The following IFT140 variants were observed in gnomAD, a reference collection of about 807,000 sequenced individuals.
IFT140 encodes intraflagellar transport 140.
In IFT140, 133 loss-of-function variants were observed where a neutral mutation model predicts 164.6. That is an observed-to-expected ratio of 0.81 (90% CI 0.70 to 0.93). The LOEUF (loss-of-function observed/expected upper bound fraction) is 0.93. Among genes scored for constraint, IFT140 ranks in the 40% least tolerant of loss-of-function variants. IFT140 has a pLI of 0.00. For synonymous variants in IFT140, 860 were observed against 817.3 expected (o/e 1.05, Z -0.89); for missense variants, 2,045 against 1,972.3 (o/e 1.04, Z -0.70).
At chr16:1,591,172 C>A (rs1023437532) in intron 6 of IFT140, among the ~76,000 whole-genome samples, 1 of 152,204 alleles carries the variant, frequency 6.6e-6, no homozygotes, top group East Asian at 1.9e-4. Context: ...CAGAGCCAGG[C>A]TCCTCCCTGG....
chr16:1,593,558 C>T (rs1327374103), intron 4 of IFT140, among the ~76,000 whole-genome samples: 1 of 152,144 alleles, frequency 6.6e-6, no homozygotes, highest in Non-Finnish European at 1.5e-5. Flanking sequence ...CGCCGTGTCT[C>T]CTCAGGCTCC....
Position 1,569,255 on chromosome 16 carries a change from G to A in IFT140, c.1653-921C>T, listed in dbSNP as rs369308526. ...ATCTCCTTGACCTCGTGATCCGCCC[G>A]CCTCAGCCTCCCAAAGTGTTGGGAT... On this transcript the variant is annotated intron_variant, in intron 14 of 30. Coordinates refer to ENST00000426508, the MANE Select transcript of IFT140 (RefSeq NM_014714.4). Among the ~76,000 whole-genome samples the A allele has an allele frequency of 2.8e-3, 427 of 152,160 alleles. 15 individuals carry two copies. In the South Asian group the frequency reaches 0.085, roughly 30 times the overall value.
At chr16:1,525,471 G>A (rs1424156740) in intron 21 of IFT140, 145 bp from the exon 22 acceptor site, 2 of 682,272 alleles carry the variant, frequency 2.9e-6, no homozygotes, top group Admixed American at 2.2e-5. Context: ...TGCAGACCCT[G>A]AGCACACGTG....
intron 13 of IFT140, among the ~76,000 whole-genome samples, chr16:1,576,223 T>C (rs1285441063): frequency 6.8e-6 from 1 of 146,866 alleles, no homozygotes; most frequent in Non-Finnish European, 1.5e-5. Context: ...GAGGTGGAGG[T>C]TGCAGTGAGC....
chr16:1,594,197 C>T (rs1003651140), intron 4 of IFT140, among the ~76,000 whole-genome samples: 3 of 151,854 alleles, frequency 2.0e-5, no homozygotes, highest in African/African-American at 7.3e-5. Flanking sequence ...CTAAGATTAC[C>T]TAGGTTCATT....
At chr16:1,552,734 C>T (rs971386372) in intron 19 of IFT140, among the ~76,000 whole-genome samples, 3 of 151,338 alleles carry the variant, frequency 2.0e-5, no homozygotes, top group Non-Finnish European at 2.9e-5. Context: ...CTGCAACCTC[C>T]GCCTCTTGGG....
chr16:1,529,162 A>G (rs141207989), intron 19 of IFT140, among the ~76,000 whole-genome samples: 1 of 152,274 alleles, frequency 6.6e-6, no homozygotes, highest in African/African-American at 2.4e-5. Context: ...GGTGAATTCC[A>G]CGGACGCATT....
At chr16:1,569,214 A>G (rs1191644291) in intron 14 of IFT140, among the ~76,000 whole-genome samples, 2 of 151,926 alleles carry the variant, frequency 1.3e-5, no homozygotes, top group Non-Finnish European at 2.9e-5. Flanking sequence ...TCACCGTGTT[A>G]GCCAAGATGG....
intron 30 of IFT140, among the ~76,000 whole-genome samples, chr16:1,516,139 C>CAAAAAAAAAAAAAAAAAAAAA (rs869165237): frequency 8.7e-5 from 4 of 46,024 alleles, no homozygotes; most frequent in Non-Finnish European, 1.4e-4. Flanking sequence ...AACTCTGTCT[C>CAAAAAAAAAAAAAAAAAAAAA]AAAAAAAAAA....
At chr16:1,541,286 G>A (rs2031608524) in intron 19 of IFT140, 4 of 985,224 alleles carry the variant, frequency 4.1e-6, no homozygotes, top group Non-Finnish European at 4.8e-6. Context: ...AGGTGAGGGG[G>A]GCAGGTGGGG....
rs528663431 is a variant in IFT140 at position 1,513,734 on chromosome 16, T to C, written c.4183-2584A>G. Among the ~76,000 whole-genome samples the C allele has an allele frequency of 2.9e-3, 429 of 150,464 alleles. 1 individual carries two copies. The highest frequency in any genetic ancestry group is 7.4e-3 in the African/African-American group (302 of 41,034). ...TGTCGCCCAGGCTGGAGTGCAGTGG[T>C]GCGATCTCTGCTCACTGCAAGCTCC... On this transcript the variant is annotated intron_variant, in intron 30 of 30. Transcript: ENST00000426508.
chr16:1,563,439 A>C lies in IFT140; in HGVS notation c.2067+558T>G, dbSNP rs563093035. Among the ~76,000 whole-genome samples, 202 of 150,866 alleles carry C rather than the reference A, an allele frequency of 1.3e-3. 1 individual carries two copies. Among genetic ancestry groups the C allele is most frequent in the African/African-American group, 4.6e-3 (189 of 41,024 alleles). On this transcript the variant is annotated intron_variant, in intron 17 of 30. Transcript: ENST00000426508. ...CTGCACTCCAACCTGGGCGACAGAGAGAGACTCAAAAAACAAACAAAACAA... is the reference window on the plus strand; with the variant it reads ...CTGCACTCCAACCTGGGCGACAGAGCGAGACTCAAAAAACAAACAAAACAA...
chr16:1,537,036 T>C (rs1275908576), intron 19 of IFT140, among the ~76,000 whole-genome samples: 13 of 152,206 alleles, frequency 8.5e-5, no homozygotes, highest in Admixed American at 8.5e-4. Context: ...TCCAGCCAGC[T>C]CCTAGCGTCT....
chr16:1,557,005 G>C (rs879588315), intron 19 of IFT140, among the ~76,000 whole-genome samples: 31 of 152,024 alleles, frequency 2.0e-4, no homozygotes, highest in Admixed American at 5.2e-4. Context: ...GAGATGGGGG[G>C]GCGGTTCTCC....
At position 1,528,330 on chromosome 16, in the gene IFT140, CGT is replaced by C. The variant is rs1008529737; in HGVS notation, c.2400-1536_2400-1535del. Among the ~76,000 whole-genome samples the C allele has an allele frequency of 1.1e-3, 116 of 104,394 alleles. 4 individuals carry two copies. The highest frequency in any genetic ancestry group is 4.0e-3 in the African/African-American group (97 of 24,312). 68.5% of individuals were successfully genotyped at this position (104,394 alleles called of 152,430 possible). Reference sequence around the variant, plus strand: ...ACACACACACGCACGCATGCACGCACGTGTGCACACACACGCATGCACGCACG... The same window carrying C: ...ACACACACACGCACGCATGCACGCACGTGCACACACACGCATGCACGCACG... On this transcript the variant is annotated intron_variant, in intron 19 of 30. Transcript: ENST00000426508.
At chr16:1,534,308 G>A (rs2030828127) in intron 19 of IFT140, 4 of 1,612,434 alleles carry the variant, frequency 2.5e-6, no homozygotes, top group African/African-American at 2.7e-5. Flanking sequence ...CCGCGGCCGT[G>A]CTGGTGGCCC....
intron 19 of IFT140, among the ~76,000 whole-genome samples, chr16:1,545,515 T>C (rs1294760530): frequency 2.7e-5 from 4 of 146,222 alleles, no homozygotes; most frequent in Non-Finnish European, 4.4e-5. Context: ...TAGAGTCGGG[T>C]TTTTTTTCCT....
chr16:1,569,976 T>C (rs2033936733), intron 14 of IFT140, among the ~76,000 whole-genome samples: 1 of 152,210 alleles, frequency 6.6e-6, no homozygotes, highest in East Asian at 1.9e-4. Flanking sequence ...TTGCTCCAAT[T>C]ATTCCAGCTT....
In IFT140 at chr16:1,605,356, G is replaced by A. The variant is rs551191465; in HGVS notation, c.147+1764C>T. ...TTGGGTGAAGTTGTGGTGGCAATAG[G>A]GAGCCTGCAGAGGGCTGAAGAGTGA... On this transcript the variant is annotated intron_variant, in intron 3 of 30. Coordinates refer to ENST00000426508, the MANE Select transcript of IFT140 (RefSeq NM_014714.4). 2.6e-5 allele frequency among the ~76,000 whole-genome samples: 4 copies of A among 152,256 alleles called. No individual in the cohort carries two copies. The South Asian group carries it at 8.3e-4, about 32-fold the overall frequency.
Sources: gnomAD v4.1 joint callset for allele counts (sites outside exome capture counted in the v4.1 genomes callset) on GRCh38, gnomAD v4.1.1 for gene constraint, MANE v1.5 for transcripts, NCBI Gene and HGNC (gene_info 2026-07-23, HGNC 2026-07-21) for gene names.